The following DNAJB6 variants were observed in gnomAD, a reference collection of about 807,000 sequenced individuals.
The protein encoded by DNAJB6 is DnaJ heat shock protein family (Hsp40) member B6, also known as dnaJ homolog subfamily B member 6.
A neutral mutation model predicts 42.7 loss-of-function variants in DNAJB6; 16 were observed. The ratio of observed to expected loss-of-function variants is 0.37; its 90% CI spans 0.25 to 0.57. The LOEUF is 0.57. Among genes scored for constraint, DNAJB6 ranks in the 20% least tolerant of loss-of-function variants. The pLI is 0.74. For missense variants in DNAJB6, 347 were observed against 416.8 expected, an observed-to-expected ratio of 0.83 and a Z score of 1.46; for synonymous variants, 170 against 163.5, an observed-to-expected ratio of 1.04 and a Z score of -0.30.
chr7:157,359,611 C>T (rs965427267), intron 2 of DNAJB6, among the ~76,000 whole-genome samples: 2 of 152,016 alleles, frequency 1.3e-5, no homozygotes, highest in African/African-American at 4.8e-5. Context: ...GTCACTGGAG[C>T]CCAGGGGTTT....
At chr7:157,386,757 G>C (rs997604650) in intron 8 of DNAJB6, among the ~76,000 whole-genome samples, 1 of 152,030 alleles carries the variant, frequency 6.6e-6, no homozygotes, top group Non-Finnish European at 1.5e-5. Context: ...GGTGGCAGGC[G>C]CCTGTAATCC....
At chr7:157,390,017 C>T (rs1801262826) in intron 8 of DNAJB6, among the ~76,000 whole-genome samples, 1 of 152,242 alleles carries the variant, frequency 6.6e-6, no homozygotes, top group Non-Finnish European at 1.5e-5. Context: ...GCAACCCCAA[C>T]AGGAATGCAG....
At chr7:157,379,517 C>G (rs1800643986) in intron 5 of DNAJB6, 1 of 152,192 alleles carries the variant, frequency 6.6e-6, no homozygotes, top group African/African-American at 2.4e-5. Context: ...ACACTCTTAC[C>G]CAGGTTGGAG....
intron 8 of DNAJB6, among the ~76,000 whole-genome samples, chr7:157,404,466 CTTTTT>C (rs55793060): frequency 1.6e-4 from 16 of 103,206 alleles, no homozygotes; most frequent in Admixed American, 4.4e-4. Flanking sequence ...TAATTTTTGT[CTTTTT>C]TTTTTTTTTT....
intron 7 of DNAJB6, 64 bp from the exon 8 acceptor site, chr7:157,385,477 T>C (rs1801004860): frequency 6.5e-7 from 1 of 1,545,318 alleles, no homozygotes. Flanking sequence ...TTAAACAACT[T>C]AGTTACCCTC....
At chr7:157,376,293 G>A (rs1309408950) in intron 5 of DNAJB6, among the ~76,000 whole-genome samples, 1 of 152,146 alleles carries the variant, frequency 6.6e-6, no homozygotes, top group Non-Finnish European at 1.5e-5. Context: ...TCATAAATTT[G>A]TGACTGTTCT....
chr7:157,358,584 C>T lies in DNAJB6; in HGVS notation c.12C>T (p.Tyr4=). ...CAATCTCGTAAAACATGGTGGATTA[C>T]TATGAAGTTCTAGGCGTGCAGAGAC... is the stretch of plus-strand genomic sequence containing the variant. The part of the protein sequence containing the change: MVD[Y]YEVLGVQRHA... Residue 4 remains tyrosine (Y), a synonymous_variant, in exon 2 of 10, where the codon TAC becomes TAT. Coordinates refer to ENST00000262177, the MANE Select transcript of DNAJB6 (RefSeq NM_058246.4). The T allele has an allele frequency of 6.2e-7, 1 of 1,613,766 alleles. No homozygotes were observed. Among genetic ancestry groups the T allele is most frequent in the Non-Finnish European group, 8.5e-7 (1 of 1,179,704 alleles).
At chr7:157,361,090 C>T (rs888854243) in intron 2 of DNAJB6, among the ~76,000 whole-genome samples, 1 of 150,952 alleles carries the variant, frequency 6.6e-6, no homozygotes, top group Non-Finnish European at 1.5e-5. Context: ...TCTCTTTTGT[C>T]TTTTGTATGG....
At chr7:157,355,529 A>G (rs536143401) in intron 1 of DNAJB6, among the ~76,000 whole-genome samples, 1 of 152,234 alleles carries the variant, frequency 6.6e-6, no homozygotes, top group East Asian at 1.9e-4. Flanking sequence ...AGATGGAGAG[A>G]GAAGTTGGAC....
intron 5 of DNAJB6, among the ~76,000 whole-genome samples, chr7:157,369,726 TCAC>T (rs1472945703): frequency 1.4e-5 from 2 of 145,248 alleles, no homozygotes; most frequent in African/African-American, 5.1e-5. Flanking sequence ...GGCCCCTTCT[TCAC>T]ATTATTATTA....
At chr7:157,342,907 G>A (rs1249040599) in intron 1 of DNAJB6, among the ~76,000 whole-genome samples, 2 of 151,358 alleles carry the variant, frequency 1.3e-5, no homozygotes, top group African/African-American at 4.9e-5. Context: ...AATGAAATAA[G>A]TAGGTGATGT....
chr7:157,395,806 C>T (rs966484346), intron 8 of DNAJB6, among the ~76,000 whole-genome samples: 2 of 150,762 alleles, frequency 1.3e-5, no homozygotes, highest in African/African-American at 4.9e-5. Flanking sequence ...GCCTGTGCCA[C>T]CACACCCGGC....
At chr7:157,385,702 T>TC in intron 8 of DNAJB6, 91 bp downstream of exon 8, 3 of 1,571,726 alleles carry the variant, frequency 1.9e-6, no homozygotes, top group Non-Finnish European at 2.6e-6. Context: ...ATTTGAGGAT[T>TC]AACAGGAACA....
At chr7:157,369,939 GA>G (rs1800082574) in intron 5 of DNAJB6, among the ~76,000 whole-genome samples, 1 of 139,856 alleles carries the variant, frequency 7.2e-6, no homozygotes, top group African/African-American at 2.8e-5. Context: ...TATTAAACGG[GA>G]CCCTTCTTAA....
chr7:157,340,946 G>A (rs947124901), intron 1 of DNAJB6, among the ~76,000 whole-genome samples: 14 of 151,504 alleles, frequency 9.2e-5, no homozygotes, highest in African/African-American at 3.2e-4. Flanking sequence ...GATTACAGGC[G>A]TGACCCACCG....
intron 3 of DNAJB6, among the ~76,000 whole-genome samples, chr7:157,366,232 T>A (rs1799839104): frequency 6.6e-6 from 1 of 152,226 alleles, no homozygotes; most frequent in Non-Finnish European, 1.5e-5. Flanking sequence ...ATTACAGGTG[T>A]GAGCCACCAT....
chr7:157,388,365 ATGGCT>A (rs1801180476), intron 8 of DNAJB6, among the ~76,000 whole-genome samples: 1 of 152,204 alleles, frequency 6.6e-6, no homozygotes, highest in African/African-American at 2.4e-5. Context: ...CAAGTAAGTG[ATGGCT>A]TGGAAGAATA....
intron 1 of DNAJB6, among the ~76,000 whole-genome samples, chr7:157,346,966 C>T (rs755565096): frequency 1.1e-4 from 16 of 152,240 alleles, no homozygotes; most frequent in Non-Finnish European, 2.1e-4. Context: ...CACCGTTCTC[C>T]TGCCTCAGCC....
At chr7:157,401,891 TTC>T (rs1386301327) in intron 8 of DNAJB6, among the ~76,000 whole-genome samples, 1 of 152,198 alleles carries the variant, frequency 6.6e-6, no homozygotes, top group African/African-American at 2.4e-5. Flanking sequence ...GGCGCCTGCC[TTC>T]TCTCTGTTGC....
Sources: allele counts gnomAD v4.1 joint callset (sites outside exome capture counted in the v4.1 genomes callset), GRCh38; gene constraint gnomAD v4.1.1; transcripts MANE v1.5; gene names NCBI Gene and HGNC (gene_info 2026-07-23, HGNC 2026-07-21).